Variants in SIPA1 observed in about 807,000 individuals in gnomAD.
SIPA1 encodes the protein signal-induced proliferation-associated protein 1.
A neutral mutation model predicts 88.1 loss-of-function variants in SIPA1; 51 were observed. The observed-to-expected ratio is 0.58, with a 90% confidence interval of 0.46 to 0.73. The LOEUF is 0.73. SIPA1 is among the 30% of genes least tolerant of loss of function. The pLI, the probability that SIPA1 is intolerant of heterozygous loss-of-function variation, is 0.00. For synonymous variants in SIPA1, 681 were observed against 664.8 expected, an observed-to-expected ratio of 1.02 and a Z score of -0.37; for missense variants, 1,348 against 1,467.6, an observed-to-expected ratio of 0.92 and a Z score of 1.33.
In SIPA1 at chr11:65,640,951, C is replaced by A. The variant is rs1293192693; in HGVS notation, c.30C>A (p.Ser10Arg). The change falls in exon 2 of 16, where the codon AGC (serine) becomes AGA (arginine). Residue 10 changes from serine (S) to arginine (R), a missense_variant. Physicochemically the swap from Ser to Arg is moderately radical, Grantham distance 110. Coordinates refer to ENST00000534313, the MANE Select transcript of SIPA1 (RefSeq NM_006747.4). MPMWAGGVG[S>R]PRRGMAPAST... ...CCATGTGGGCCGGCGGTGTGGGGAG[C>A]CCTCGGCGGGGCATGGCCCCTGCGT... 6.5e-7 allele frequency: 1 copy of A among 1,544,330 alleles called. No homozygotes were observed.
In SIPA1 at chr11:65,649,963, G is replaced by A. The variant is rs746429; in HGVS notation, c.2760G>A (p.Ala920=). 0.33 allele frequency: 536,906 copies of A among 1,613,432 alleles called. 93,495 individuals carry two copies. Among genetic ancestry groups the A allele is most frequent in the Non-Finnish European group, 0.35 (413,549 of 1,179,646 alleles). The change falls in exon 13 of 16, where the codon GCG becomes GCA. Residue 920 remains alanine (A), a synonymous_variant. Coordinates refer to ENST00000534313, the MANE Select transcript of SIPA1 (RefSeq NM_006747.4). ...TTGTGCCCACAGTCATGTCGGAGGC[G>A]GGCAGTGGGACCCTGGAGGACGAGT... is the stretch of plus-strand genomic sequence containing the variant. ...RNSISRIMSE[A]GSGTLEDEWQ...
chr11:65,650,717 C>T lies in SIPA1; in HGVS notation c.*2C>T. The T allele has an allele frequency of 6.4e-7, 1 of 1,566,220 alleles. No homozygotes were observed. Among genetic ancestry groups the T allele is most frequent in the East Asian group, 2.3e-5 (1 of 43,042 alleles). On this transcript the variant is annotated 3_prime_UTR_variant, in exon 16 of 16. Coordinates refer to ENST00000534313, the MANE Select transcript of SIPA1 (RefSeq NM_006747.4). Reference sequence around the variant, plus strand: ...TCACCCACCGCCGACCTGGCCTGAGCCGTCTGGAACCACCTGGGCCCCTGA... The same window carrying T: ...TCACCCACCGCCGACCTGGCCTGAGTCGTCTGGAACCACCTGGGCCCCTGA...
At position 65,648,942 on chromosome 11, in the gene SIPA1, A is replaced by G. The variant is rs1181183486; in HGVS notation, c.2307-320A>G. On this transcript the variant is annotated intron_variant, in intron 9 of 15. Coordinates refer to ENST00000534313, the MANE Select transcript of SIPA1 (RefSeq NM_006747.4). ...GCACAGGCTGGATTTGGCTACAGAC[A>G]GTAGTTTTGGGATTTAAGCAATTTA... is the stretch of plus-strand genomic sequence containing the variant. Among the ~76,000 whole-genome samples the G allele has an allele frequency of 2.0e-5, 3 of 152,220 alleles. No homozygotes were observed. In the South Asian group the frequency reaches 6.2e-4, roughly 31 times the overall value.
At position 65,649,338 on chromosome 11, in the gene SIPA1, G is replaced by A. The variant is rs1273533453; in HGVS notation, c.2383G>A (p.Val795Ile). The A allele has an allele frequency of 1.3e-6, 2 of 1,560,698 alleles. No individual in the cohort carries two copies. Among genetic ancestry groups the A allele is most frequent in the Non-Finnish European group, 1.7e-6 (2 of 1,152,524 alleles). Residue 795 changes from valine (V) to isoleucine (I), a missense_variant, in exon 10 of 16, where the codon GTC (valine) becomes ATC (isoleucine). Transcript: ENST00000534313. The stretch of plus-strand genomic sequence containing the variant: ...GGCCCCAGATCCTGTGCAGGATGAG[G>A]TCCAGGGGGTGACCCTGCTGCCCAC... ...RGAPDPVQDE[V>I]QGVTLLPTTK...
At chr11:65,645,252 C>T (rs1856087415) in intron 5 of SIPA1, 123 bp downstream of exon 5, 13 of 1,001,244 alleles carry the variant, frequency 1.3e-5, no homozygotes, top group Admixed American at 5.0e-5. Flanking sequence ...TTTGGGTGAG[C>T]TAAGGATCTG....
Position 65,647,496 on chromosome 11 carries a change from C to A in SIPA1, c.2144C>A (p.Thr715Lys). The A allele has an allele frequency of 1.4e-6, 2 of 1,428,732 alleles. No homozygotes were observed. The highest frequency in any genetic ancestry group is 1.4e-5 in the South Asian group (1 of 72,634). The allele number at this position is 1,428,732 out of a possible 1,614,324, so 88.5% of individuals were successfully genotyped here. A position where few individuals can be genotyped will look rare whatever the true frequency, so the allele number is the denominator to read the frequency against. Residue 715 changes from threonine (T) to lysine (K), a missense_variant, in exon 9 of 16, where the codon ACA (threonine) becomes AAA (lysine). Thr to Lys is a moderately conservative substitution (Grantham distance 78). Transcript: ENST00000534313. ...TTCGTCACGCACGTGGAGCGCTTCA[C>A]ATTCGCCGAGACGGCGGGGCTGCGG... ...EGFVTHVERF[T>K]FAETAGLRPG...
intron 4 of SIPA1, among the ~76,000 whole-genome samples, chr11:65,643,211 G>A (rs1447251492): frequency 1.3e-5 from 2 of 152,164 alleles, no homozygotes; most frequent in Admixed American, 6.5e-5. Flanking sequence ...CACTGCCCTT[G>A]GCCCAGAGTC....
Position 65,645,093 on chromosome 11 carries a change from G to A in SIPA1, c.1123G>A (p.Gly375Ser). Residue 375 changes from glycine (G) to serine (S), a missense_variant, in exon 5 of 16, where the codon GGC becomes AGC. By Grantham distance (56) the Gly-to-Ser change is moderately conservative. This residue lies in a region of SIPA1 where 641 missense variants were observed against 797.7 expected (regional missense o/e 0.80). Transcript: ENST00000534313. ...GCTGGGCGATGTGGTGCGGCTCAAA[G>A]GCTTTGAGAGTTACCGGGCCCAGCT... ...TLLGDVVRLK[G>S]FESYRAQLDT... 1.9e-6 allele frequency: 3 copies of A among 1,614,038 alleles called. No homozygotes were observed. The highest frequency in any genetic ancestry group is 2.5e-6 in the Non-Finnish European group (3 of 1,179,908).
At chr11:65,644,882 A>G in intron 4 of SIPA1, 73 bp from the exon 5 acceptor site, 2 of 1,486,010 alleles carry the variant, frequency 1.3e-6, no homozygotes, top group East Asian at 2.3e-5. Flanking sequence ...CCAGCGTCCC[A>G]TCCATTCCCT....
chr11:65,640,946 G>A lies in SIPA1; in HGVS notation c.25G>A (p.Gly9Arg). 1.3e-6 allele frequency: 2 copies of A among 1,538,882 alleles called. No individual in the cohort carries two copies. Among genetic ancestry groups the A allele is most frequent in the Non-Finnish European group, 1.7e-6 (2 of 1,151,040 alleles). The change falls in exon 2 of 16, where the codon GGG (glycine) becomes AGG (arginine). Residue 9 changes from glycine (G) to arginine (R), a missense_variant. Coordinates refer to ENST00000534313, the MANE Select transcript of SIPA1 (RefSeq NM_006747.4). The part of the protein sequence containing the change: MPMWAGGV[G>R]SPRRGMAPAS... ...CATGCCCATGTGGGCCGGCGGTGTG[G>A]GGAGCCCTCGGCGGGGCATGGCCCC...
Position 65,645,900 on chromosome 11 carries a change from C to T in SIPA1, c.1206C>T (p.His402=), listed in dbSNP as rs376293999. ...THSLYTTYQD[H]EIMFHVSTML... is the part of the protein sequence containing the mutation. ...CCCTCTACACCACATACCAGGACCA[C>T]GAGATCATGTTCCACGTGTCCACGA... Residue 402 remains histidine, a synonymous_variant, in exon 6 of 16, where the codon CAC becomes CAT. Coordinates refer to ENST00000534313, the MANE Select transcript of SIPA1 (RefSeq NM_006747.4). The T allele has an allele frequency of 1.9e-6, 3 of 1,613,624 alleles. No individual in the cohort carries two copies. The African/African-American group carries it at 4.0e-5, about 22-fold the overall frequency.
In SIPA1 at chr11:65,645,871, C is replaced by T. The variant is rs749276355; in HGVS notation, c.1177C>T (p.His393Tyr). 3.1e-6 allele frequency: 5 copies of T among 1,610,544 alleles called. No homozygotes were observed. Among genetic ancestry groups the T allele is most frequent in the East Asian group, 2.2e-5 (1 of 44,750 alleles). ...LDTKTDSTGT[H>Y]SLYTTYQDHE... is the part of the protein sequence containing the mutation. ...GGCCACAGCGGATTCCACAGGCACG[C>T]ACTCCCTCTACACCACATACCAGGA... is the stretch of plus-strand genomic sequence containing the variant. The change falls in exon 6 of 16, where the codon CAC (histidine) becomes TAC (tyrosine). Residue 393 changes from histidine (H) to tyrosine (Y), a missense_variant. By Grantham distance (83) the His-to-Tyr change is moderately conservative. Coordinates refer to ENST00000534313, the MANE Select transcript of SIPA1 (RefSeq NM_006747.4).
chr11:65,649,883 A>T lies in SIPA1; in HGVS notation c.2746+18A>T. 1 of 1,613,702 alleles carries T rather than the reference A, an allele frequency of 6.2e-7. No homozygotes were observed. On this transcript the variant is annotated intron_variant, in intron 12 of 15. Coordinates refer to ENST00000534313, the MANE Select transcript of SIPA1 (RefSeq NM_006747.4). Reference sequence around the variant, plus strand: ...CAGCAGGAGTGAGTCTGGACCCAGGAGAGCAGGGGAGGGGTTGGGGGGTGC... The same window carrying T: ...CAGCAGGAGTGAGTCTGGACCCAGGTGAGCAGGGGAGGGGTTGGGGGGTGC...
At position 65,650,159 on chromosome 11, in the gene SIPA1, G is replaced by C; in HGVS notation, c.2870G>C (p.Gly957Ala). ...ACAGGACAGCCCATCCCAGAGAGTGGAGACCCTAAGGGAACTCCAAAATCT... is the reference window on the plus strand; with the variant it reads ...ACAGGACAGCCCATCCCAGAGAGTGCAGACCCTAAGGGAACTCCAAAATCT... Reference protein sequence around the residue: ...SREGQPIPESGDPKGTPKSDA... With the variant: ...SREGQPIPESADPKGTPKSDA... Residue 957 changes from glycine (G) to alanine (A), a missense_variant, in exon 14 of 16, where the codon GGA becomes GCA. By Grantham distance (60) the Gly-to-Ala change is moderately conservative. Around this residue, in one of 4 missense-constraint regions of SIPA1, gnomAD observed 615 missense variants for 559.8 expected, o/e 1.10. Transcript: ENST00000534313. 2 of 1,614,082 alleles carry C rather than the reference G, an allele frequency of 1.2e-6. No individual in the cohort carries two copies. Among genetic ancestry groups the C allele is most frequent in the Non-Finnish European group, 1.7e-6 (2 of 1,179,996 alleles).
chr11:65,641,612 C>T lies in SIPA1; in HGVS notation c.679+12C>T. ...CTTCTATGGCAAAGGTGAGGAAAGG[C>T]AGTTCCAGGGAGTGGAGGAGGGGGG... On this transcript the variant is annotated intron_variant, in intron 2 of 15. Transcript: ENST00000534313. The T allele has an allele frequency of 6.3e-7, 1 of 1,595,478 alleles. No homozygotes were observed. The highest frequency in any genetic ancestry group is 1.1e-5 in the South Asian group (1 of 89,010).
rs145511066 is a variant in SIPA1, at chr11:65,639,405, G to A, written c.-92+1223G>A. Among the ~76,000 whole-genome samples, 32 of 152,290 alleles carry A rather than the reference G, an allele frequency of 2.1e-4. 1 individual carries two copies. Among genetic ancestry groups the A allele is most frequent in the Admixed American group, 9.1e-4 (14 of 15,302 alleles). ...ATTACAGGCCACAGCCACCGCACCC[G>A]GCCAGTTAACCCCATTTTAGAGATG... On this transcript the variant is annotated intron_variant, in intron 1 of 15. Transcript: ENST00000534313.
At position 65,641,016 on chromosome 11, in the gene SIPA1, C is replaced by T; in HGVS notation, c.95C>T (p.Ala32Val). Residue 32 changes from alanine to valine, a missense_variant, in exon 2 of 16, where the codon GCA becomes GTA. Ala to Val is a moderately conservative substitution (Grantham distance 64). Coordinates refer to ENST00000534313, the MANE Select transcript of SIPA1 (RefSeq NM_006747.4). ...DLFARKLRQP[A>V]RPPLTPHTFE... ...TTTGCCCGCAAGCTGCGCCAGCCAG[C>T]AAGGCCCCCGCTGACACCGCACACC... The T allele has an allele frequency of 1.9e-6, 3 of 1,591,592 alleles. No homozygotes were observed. The highest frequency in any genetic ancestry group is 2.6e-6 in the Non-Finnish European group (3 of 1,173,978).
rs199930460 is a variant in SIPA1 at position 65,650,550 on chromosome 11, T to C, written c.2983-19T>C. On this transcript the variant is annotated intron_variant, in intron 15 of 15. Coordinates refer to ENST00000534313, the MANE Select transcript of SIPA1 (RefSeq NM_006747.4). The stretch of plus-strand genomic sequence containing the variant: ...GAAAGGGGCTGGCGGCTCTGACTCC[T>C]GTCTCCCCGGCACCCCAGGAGAAGG... 1.6e-4 allele frequency: 252 copies of C among 1,609,276 alleles called. No individual in the cohort carries two copies. In the African/African-American group the frequency reaches 3.2e-3, roughly 20 times the overall value.
At position 65,645,849 on chromosome 11, in the gene SIPA1, C is replaced by T. The variant is rs1275388228; in HGVS notation, c.1160-5C>T. On this transcript the variant is annotated splice_polypyrimidine_tract_variant and splice_region_variant and intron_variant, in intron 5 of 15. Coordinates refer to ENST00000534313, the MANE Select transcript of SIPA1 (RefSeq NM_006747.4). The stretch of plus-strand genomic sequence containing the variant: ...CCTTCTGTGTCCCTAACTTCCTGGC[C>T]ACAGCGGATTCCACAGGCACGCACT... 6.2e-7 allele frequency: 1 copy of T among 1,608,254 alleles called. No homozygotes were observed. The highest frequency in any genetic ancestry group is 1.1e-5 in the South Asian group (1 of 90,716).
Sources: gnomAD v4.1 joint callset for allele counts (sites outside exome capture counted in the v4.1 genomes callset) on GRCh38, gnomAD v4.1.1 for gene constraint, gnomAD v4.1.1 regional missense constraint, MANE v1.5 for transcripts, NCBI Gene and HGNC (gene_info 2026-07-23, HGNC 2026-07-21) for gene names.